Variants in SLC4A4 observed in about 807,000 individuals in gnomAD.
SLC4A4 encodes the protein solute carrier family 4 member 4.
In SLC4A4, 27 loss-of-function variants were observed where a neutral mutation model predicts 111.5. That is an observed-to-expected ratio of 0.24 (90% CI 0.18 to 0.33). The LOEUF (loss-of-function observed/expected upper bound fraction) is 0.33, where lower values mean the gene tolerates loss of function less well. Ranked by LOEUF, SLC4A4 falls within the 10% of genes least tolerant of loss-of-function variation. The probability of loss-of-function intolerance (pLI) is 1.00; values close to 1 mark genes in which losing one functional copy is unlikely to be tolerated. For missense variants in SLC4A4, 909 were observed against 1,315.5 expected (o/e 0.69, Z 4.78); for synonymous variants, 443 against 463.4 (o/e 0.96, Z 0.57).
chr4:71,192,605 C>T (rs1223850793), intron 1 of SLC4A4, among the ~76,000 whole-genome samples: 1 of 152,150 alleles, frequency 6.6e-6, no homozygotes, highest in Non-Finnish European at 1.5e-5. Context: ...GATTTGGACT[C>T]TTATAGCATC....
At chr4:71,289,724 A>G (rs1724188224) in intron 3 of SLC4A4, among the ~76,000 whole-genome samples, 1 of 152,214 alleles carries the variant, frequency 6.6e-6, no homozygotes, top group East Asian at 1.9e-4. Flanking sequence ...TGAGGAAGAA[A>G]GATATATGTG....
chr4:71,363,532 A>G (rs965961647), intron 6 of SLC4A4, among the ~76,000 whole-genome samples: 2 of 152,096 alleles, frequency 1.3e-5, no homozygotes, highest in African/African-American at 2.4e-5. Context: ...TTGAATTCAG[A>G]CATGGTCCCT....
intron 7 of SLC4A4, chr4:71,436,890 G>T: frequency 4.5e-6 from 1 of 223,756 alleles, no homozygotes; most frequent in South Asian, 5.2e-5. Context: ...GCTATGTGTG[G>T]CTGCTCTTTC....
chr4:71,221,106 A>G (rs1718720076), intron 1 of SLC4A4, among the ~76,000 whole-genome samples: 1 of 152,034 alleles, frequency 6.6e-6, no homozygotes, highest in Non-Finnish European at 1.5e-5. Context: ...CCCTTTCTTT[A>G]TCCAGTGTCA....
intron 16 of SLC4A4, among the ~76,000 whole-genome samples, chr4:71,521,000 G>A (rs1429025493): frequency 6.6e-6 from 1 of 152,074 alleles, no homozygotes. Flanking sequence ...GGGATTATGG[G>A]CATGAGCCAC....
intron 2 of SLC4A4, among the ~76,000 whole-genome samples, chr4:71,249,240 C>T (rs950045773): frequency 1.3e-5 from 2 of 151,720 alleles, no homozygotes; most frequent in African/African-American, 2.4e-5. Context: ...TAATAGGTAG[C>T]GTTAAAATTA....
intron 3 of SLC4A4, among the ~76,000 whole-genome samples, chr4:71,326,416 A>G (rs1319615915): frequency 6.6e-6 from 1 of 151,988 alleles, no homozygotes; most frequent in Non-Finnish European, 1.5e-5. Flanking sequence ...TCTGAGCCTC[A>G]TTCCTTCATG....
chr4:71,522,732 T>G (rs753539049), intron 16 of SLC4A4, among the ~76,000 whole-genome samples: 8 of 152,214 alleles, frequency 5.3e-5, no homozygotes, highest in Non-Finnish European at 1.0e-4. Flanking sequence ...AAGATTATTT[T>G]TAATATACTT....
intron 4 of SLC4A4, among the ~76,000 whole-genome samples, chr4:71,344,903 A>G (rs946519676): frequency 6.6e-6 from 1 of 152,146 alleles, no homozygotes; most frequent in Non-Finnish European, 1.5e-5. Context: ...CTGTGCCTAA[A>G]AAAATGAGAA....
intron 4 of SLC4A4, among the ~76,000 whole-genome samples, chr4:71,346,858 T>A (rs1382509080): frequency 6.6e-6 from 1 of 152,140 alleles, no homozygotes; most frequent in Non-Finnish European, 1.5e-5. Context: ...TAAAGCAATT[T>A]AATAGGCATT....
At chr4:71,318,557 G>T (rs937355267) in intron 3 of SLC4A4, among the ~76,000 whole-genome samples, 2 of 151,344 alleles carry the variant, frequency 1.3e-5, no homozygotes, top group African/African-American at 4.9e-5. Context: ...AGTGACCAAA[G>T]AAAAAAACCA....
In SLC4A4 at chr4:71,547,700, T is replaced by C. The variant is rs138942006; in HGVS notation, c.2674T>C (p.Phe892Leu). The C allele has an allele frequency of 8.0e-4, 1,296 of 1,611,850 alleles. 5 individuals carry two copies. Among genetic ancestry groups the C allele is most frequent in the Middle Eastern group, 4.5e-3 (27 of 6,046 alleles). ...GTTTATTCTGACTGGTCTGTCAGTC[T>C]TTATGGCTCCCATCTTGAAGGTAAA... ...LVFILTGLSVFMAPILKFIPM... is the reference protein window; with the variant it reads ...LVFILTGLSVLMAPILKFIPM... The change falls in exon 20 of 26, where the codon TTT becomes CTT. Residue 892 changes from phenylalanine (F) to leucine (L), a missense_variant. Physicochemically the swap from Phe to Leu is conservative, Grantham distance 22. Coordinates refer to ENST00000264485, the MANE Select transcript of SLC4A4 (RefSeq NM_001098484.3).
intron 16 of SLC4A4, among the ~76,000 whole-genome samples, chr4:71,504,471 T>C (rs1731211310): frequency 1.3e-5 from 2 of 152,072 alleles, no homozygotes; most frequent in African/African-American, 4.8e-5. Flanking sequence ...TCTGTTTGAT[T>C]CTTTTTTATG....
chr4:71,154,296 C>G (rs1231655762), intron 2 of SLC4A4, among the ~76,000 whole-genome samples: 1 of 152,128 alleles, frequency 6.6e-6, no homozygotes, highest in Non-Finnish European at 1.5e-5. Flanking sequence ...TGGCTCTACA[C>G]TGGGAAGCAC....
intron 5 of SLC4A4, among the ~76,000 whole-genome samples, chr4:71,350,359 AT>A (rs755756947): frequency 1.3e-5 from 2 of 150,980 alleles, no homozygotes; most frequent in East Asian, 2.0e-4. Context: ...TATGTTTTTG[AT>A]TTTTTTTATT....
intron 3 of SLC4A4, among the ~76,000 whole-genome samples, chr4:71,288,148 G>A (rs914948799): frequency 6.6e-6 from 1 of 152,084 alleles, no homozygotes; most frequent in African/African-American, 2.4e-5. Flanking sequence ...GGTAGTCTAG[G>A]GGAGGCTGTG....
chr4:71,133,112 G>C (rs1223339064), intron 2 of SLC4A4, among the ~76,000 whole-genome samples: 2 of 152,038 alleles, frequency 1.3e-5, no homozygotes, highest in Admixed American at 1.3e-4. Flanking sequence ...AATTTTTATT[G>C]TAATTTGGAA....
At chr4:71,440,518 C>T in intron 7 of SLC4A4, 98 bp from the exon 8 acceptor site, 1 of 1,336,414 alleles carries the variant, frequency 7.5e-7, no homozygotes, top group Non-Finnish European at 1.1e-6. Context: ...GTGAGTGATA[C>T]ATGGGAAGGC....
At chr4:71,075,053 G>A (rs1741770523) in intron 1 of SLC4A4, among the ~76,000 whole-genome samples, 1 of 152,168 alleles carries the variant, frequency 6.6e-6, no homozygotes, top group Admixed American at 6.5e-5. Context: ...GCTCAGAGAC[G>A]CTCTTCACAT....
Sources: allele counts gnomAD v4.1 joint callset (sites outside exome capture counted in the v4.1 genomes callset), GRCh38; gene constraint gnomAD v4.1.1; transcripts MANE v1.5; gene names NCBI Gene and HGNC (gene_info 2026-07-23, HGNC 2026-07-21).